NPAS3: variants seen among roughly 807,000 people sequenced by gnomAD.
NPAS3 encodes the protein neuronal PAS domain protein 3, also known as neuronal PAS domain-containing protein 3.
A neutral mutation model predicts 73.1 loss-of-function variants in NPAS3; 14 were observed. The observed-to-expected ratio is 0.19, with a 90% CI of 0.13 to 0.30. NPAS3 has a LOEUF of 0.30. Among genes scored for constraint, NPAS3 ranks in the 10% least tolerant of loss-of-function variants. The pLI, the probability that NPAS3 is intolerant of heterozygous loss-of-function variation, is 1.00. For missense variants in NPAS3, 1,096 were observed against 1,250.0 expected (o/e 0.88, Z 1.86); for synonymous variants, 620 against 541.5 (o/e 1.14, Z -2.01).
intron 3 of NPAS3, among the ~76,000 whole-genome samples, chr14:33,241,624 T>A (rs781378711): frequency 1.3e-5 from 2 of 151,968 alleles, no homozygotes; most frequent in Non-Finnish European, 2.9e-5. Flanking sequence ...TAGTCTAGTC[T>A]CCCTCTGTAC....
intron 4 of NPAS3, among the ~76,000 whole-genome samples, chr14:33,477,484 G>C (rs114480124): frequency 0.015 from 2,212 of 152,134 alleles, 61 homozygotes; most frequent in African/African-American, 0.05. Context: ...CAAACACACA[G>C]TCACATACAA....
chr14:33,300,683 G>A (rs370639177), intron 3 of NPAS3, among the ~76,000 whole-genome samples: 39 of 152,260 alleles, frequency 2.6e-4, no homozygotes, highest in African/African-American at 9.4e-4. Flanking sequence ...TAGAGCAGGG[G>A]AGAGGCTCTG....
intron 5 of NPAS3, among the ~76,000 whole-genome samples, chr14:33,665,625 C>T (rs2059430673): frequency 6.6e-6 from 1 of 152,064 alleles, no homozygotes; most frequent in Non-Finnish European, 1.5e-5. Flanking sequence ...TCATGTACCC[C>T]ATGAATATAT....
intron 3 of NPAS3, among the ~76,000 whole-genome samples, chr14:33,290,138 T>G (rs1422943174): frequency 6.6e-6 from 1 of 152,218 alleles, no homozygotes. Context: ...CTATCACAGC[T>G]TTTAAAATTG....
chr14:33,183,444 T>G (rs1366950138), intron 2 of NPAS3, among the ~76,000 whole-genome samples: 5 of 101,714 alleles, frequency 4.9e-5, no homozygotes, highest in African/African-American at 1.2e-4. Context: ...TTTTTTTTTT[T>G]TTTTTTTTTT....
At chr14:33,237,805 A>T (rs1303673300) in intron 3 of NPAS3, among the ~76,000 whole-genome samples, 3 of 152,076 alleles carry the variant, frequency 2.0e-5, no homozygotes, top group African/African-American at 7.2e-5. Context: ...AGGTATTTAC[A>T]TAAAGAAGAT....
At chr14:33,518,730 C>A (rs2053424003) in intron 4 of NPAS3, among the ~76,000 whole-genome samples, 1 of 151,130 alleles carries the variant, frequency 6.6e-6, no homozygotes, top group South Asian at 2.1e-4. Flanking sequence ...CAAGTCAAGT[C>A]TCTGACCAGC....
At chr14:33,030,238 G>A (rs1386271995) in intron 1 of NPAS3, among the ~76,000 whole-genome samples, 4 of 152,084 alleles carry the variant, frequency 2.6e-5, no homozygotes, top group Non-Finnish European at 5.9e-5. Context: ...TTTCAGTCCT[G>A]CTTTATTAAG....
intron 1 of NPAS3, among the ~76,000 whole-genome samples, chr14:33,005,637 T>A (rs1047288478): frequency 6.6e-6 from 1 of 152,152 alleles, no homozygotes; most frequent in Admixed American, 6.5e-5. Context: ...CCCTTTAGTT[T>A]AGAGTCAGAC....
At chr14:33,374,705 G>A (rs76873393) in intron 4 of NPAS3, among the ~76,000 whole-genome samples, 31,999 of 134,566 alleles carry the variant, frequency 0.24, 3,917 homozygotes, top group East Asian at 0.36. Context: ...GTGTCGGGGC[G>A]GGGGGGGGAG....
At position 32,953,315 on chromosome 14, in the gene NPAS3, C is replaced by G. The variant is rs77561440; in HGVS notation, c.50+13949C>G. The stretch of plus-strand genomic sequence containing the variant: ...TCTGGACCCTTTCCCCCTCCTGCAA[C>G]TGTTTTCATTTACTAAGTGTTGTTT... On this transcript the variant is annotated intron_variant, in intron 1 of 11. Transcript: ENST00000356141. 1.1e-3 allele frequency among the ~76,000 whole-genome samples: 167 copies of G among 152,228 alleles called. No individual in the cohort carries two copies. The East Asian group carries it at 0.014, about 13-fold the overall frequency.
chr14:33,790,819 C>G (rs959491912), intron 9 of NPAS3, among the ~76,000 whole-genome samples: 2 of 152,178 alleles, frequency 1.3e-5, no homozygotes, highest in Non-Finnish European at 2.9e-5. Context: ...CAAGTGCACA[C>G]CACCACACCT....
At chr14:33,487,286 AG>A (rs1302645631) in intron 4 of NPAS3, among the ~76,000 whole-genome samples, 1 of 152,218 alleles carries the variant, frequency 6.6e-6, no homozygotes, top group East Asian at 1.9e-4. Flanking sequence ...ACCAAGTCCC[AG>A]ACATAATAGT....
intron 4 of NPAS3, among the ~76,000 whole-genome samples, chr14:33,396,395 T>C (rs903538647): frequency 4.6e-5 from 7 of 152,154 alleles, no homozygotes; most frequent in African/African-American, 1.7e-4. Flanking sequence ...GAAAATACCT[T>C]TGTTATCTTA....
chr14:33,227,743 G>A (rs2047687959), intron 3 of NPAS3, among the ~76,000 whole-genome samples: 1 of 152,120 alleles, frequency 6.6e-6, no homozygotes, highest in Non-Finnish European at 1.5e-5. Flanking sequence ...ATTTTAGGAG[G>A]GGACACAAAC....
chr14:33,800,643 G>A lies in NPAS3; in HGVS notation c.2336G>A (p.Ser779Asn). Residue 779 changes from serine (S) to asparagine (N), a missense_variant, in exon 12 of 12, where the codon AGC (serine) becomes AAC (asparagine). Physicochemically the swap from Ser to Asn is conservative, Grantham distance 46 (BLOSUM62 1). Around this residue, in one of 5 missense-constraint regions of NPAS3, gnomAD observed 698 missense variants for 676.7 expected, o/e 1.03. Coordinates refer to ENST00000356141, the Ensembl canonical transcript of NPAS3. This position sits in a 1 kb window ranked among gnomAD's most constrained non-coding sequence, Gnocchi z 6.5. ...GGCGGCGCGGGGGGCGGCGGCCCCA[G>A]CGCGTCCAACTCCTTGCTGTACACT... is the stretch of plus-strand genomic sequence containing the variant. 1 of 1,445,074 alleles carries A rather than the reference G, an allele frequency of 6.9e-7. No individual in the cohort carries two copies. Among genetic ancestry groups the A allele is most frequent in the Non-Finnish European group, 9.0e-7 (1 of 1,108,912 alleles). 89.5% of individuals were successfully genotyped at this position (1,445,074 alleles called of 1,614,324 possible). A position where few individuals can be genotyped will look rare whatever the true frequency, so the allele number is the denominator to read the frequency against.
intron 2 of NPAS3, among the ~76,000 whole-genome samples, chr14:33,196,994 A>C (rs999073402): frequency 1.3e-5 from 2 of 152,162 alleles, no homozygotes; most frequent in African/African-American, 4.8e-5. Context: ...ACTATGCATC[A>C]TGACTGATTT....
rs192088686 is a variant in NPAS3, at chr14:33,579,582, A to G, written c.558+19372A>G. On this transcript the variant is annotated intron_variant, in intron 5 of 11. Coordinates refer to ENST00000356141, the Ensembl canonical transcript of NPAS3. The stretch of plus-strand genomic sequence containing the variant: ...GTACTCCCCATTTCATAGACGTGCT[A>G]TTAGTAACGATAGAATTGTCCTCAA... 1.6e-3 allele frequency among the ~76,000 whole-genome samples: 241 copies of G among 152,302 alleles called. 2 individuals carry two copies. Among genetic ancestry groups the G allele is most frequent in the African/African-American group, 5.6e-3 (232 of 41,574 alleles).
chr14:33,368,733 G>A (rs1328118127), intron 4 of NPAS3, among the ~76,000 whole-genome samples: 4 of 151,930 alleles, frequency 2.6e-5, no homozygotes, highest in Non-Finnish European at 5.9e-5. Context: ...GATTAGTTTC[G>A]AGGACACAGA....
Sources: allele counts gnomAD v4.1 joint callset (sites outside exome capture counted in the v4.1 genomes callset), GRCh38; gene constraint gnomAD v4.1.1; regional missense constraint gnomAD v4.1.1; non-coding constraint Gnocchi (gnomAD v3.1); transcripts MANE v1.5; gene names NCBI Gene and HGNC (gene_info 2026-07-23, HGNC 2026-07-21).